Variants in PLCL1 observed in about 807,000 individuals in gnomAD.
The protein encoded by PLCL1 is inactive phospholipase C-like protein 1.
Under a neutral mutation model 84.4 loss-of-function variants are expected in PLCL1, and 41 were observed. The ratio of observed to expected loss-of-function variants is 0.49; its 90% CI spans 0.38 to 0.63. PLCL1 has a LOEUF of 0.63. PLCL1 is among the 30% of genes least tolerant of loss of function. The pLI is 0.00. For synonymous variants in PLCL1, 490 were observed against 488.3 expected, an observed-to-expected ratio of 1.00 and a Z score of -0.05; for missense variants, 1,206 against 1,367.8, an observed-to-expected ratio of 0.88 and a Z score of 1.87.
chr2:197,961,238 G>GGAGAGAGAGAGAGAGA (rs60411488), intron 1 of PLCL1, among the ~76,000 whole-genome samples: 2,722 of 145,928 alleles, frequency 0.019, 44 homozygotes, highest in East Asian at 0.086. Flanking sequence ...TTGGGAAGGT[G>GGAGAGAGAGAGAGAGA]GAGAGAGAGA....
chr2:197,816,199 C>CACCA (rs1332447142), intron 1 of PLCL1, among the ~76,000 whole-genome samples: 4 of 152,088 alleles, frequency 2.6e-5, no homozygotes, highest in African/African-American at 9.7e-5. Flanking sequence ...CCTGATCAGT[C>CACCA]ACCAGTGTTC....
intron 1 of PLCL1, among the ~76,000 whole-genome samples, chr2:197,900,949 T>G (rs1043099538): frequency 6.6e-6 from 1 of 152,184 alleles, no homozygotes; most frequent in South Asian, 2.1e-4. Context: ...AAGCCTTTGT[T>G]GCCAGTCTCT....
intron 5 of PLCL1, among the ~76,000 whole-genome samples, chr2:198,113,882 C>T (rs186480839): frequency 1.1e-3 from 161 of 151,792 alleles, no homozygotes; most frequent in Non-Finnish European, 1.9e-3. Flanking sequence ...ATATAATCTG[C>T]AGCGAAGTTT....
chr2:198,133,219 C>T (rs945589455), intron 5 of PLCL1, among the ~76,000 whole-genome samples: 1 of 151,882 alleles, frequency 6.6e-6, no homozygotes, highest in African/African-American at 2.4e-5. Flanking sequence ...AGTTCATATC[C>T]TTTGTAGGGA....
chr2:197,883,122 C>T (rs1574929884), intron 1 of PLCL1, among the ~76,000 whole-genome samples: 2 of 152,098 alleles, frequency 1.3e-5, no homozygotes, highest in Middle Eastern at 3.2e-3. Context: ...TGGGTGGTGG[C>T]TACACAGTTG....
chr2:198,060,984 G>A (rs971482869), intron 1 of PLCL1, among the ~76,000 whole-genome samples: 1 of 152,082 alleles, frequency 6.6e-6, no homozygotes, highest in African/African-American at 2.4e-5. Context: ...GCAACTCTAT[G>A]GAACTTTCTA....
At chr2:198,018,260 C>A (rs772452121) in intron 1 of PLCL1, among the ~76,000 whole-genome samples, 1 of 152,172 alleles carries the variant, frequency 6.6e-6, no homozygotes, top group African/African-American at 2.4e-5. Flanking sequence ...CCCTCAGGTG[C>A]CTACACCACA....
At chr2:197,930,751 C>T (rs1390751982) in intron 1 of PLCL1, among the ~76,000 whole-genome samples, 2 of 152,120 alleles carry the variant, frequency 1.3e-5, no homozygotes, top group African/African-American at 4.8e-5. Flanking sequence ...CCATCTTGCT[C>T]CTACCAGGAC....
At chr2:198,022,697 C>T (rs150241907) in intron 1 of PLCL1, among the ~76,000 whole-genome samples, 1,955 of 151,906 alleles carry the variant, frequency 0.013, 36 homozygotes, top group African/African-American at 0.044. Flanking sequence ...ACAAGGGATG[C>T]GAAGGACCTC....
intron 3 of PLCL1, among the ~76,000 whole-genome samples, chr2:198,094,098 G>A (rs1240583439): frequency 6.6e-6 from 1 of 151,930 alleles, no homozygotes; most frequent in Non-Finnish European, 1.5e-5. Context: ...GTCTCACTCT[G>A]TCGCCCAGAC....
At chr2:197,932,525 C>G (rs72926537) in intron 1 of PLCL1, among the ~76,000 whole-genome samples, 8 of 152,090 alleles carry the variant, frequency 5.3e-5, no homozygotes, top group African/African-American at 1.7e-4. Context: ...CCCCCTACCC[C>G]CCAAACCCAG....
At chr2:197,999,095 A>G (rs76609333) in intron 1 of PLCL1, among the ~76,000 whole-genome samples, 1,847 of 152,304 alleles carry the variant, frequency 0.012, 47 homozygotes, top group African/African-American at 0.041. Flanking sequence ...AGGAACCAGT[A>G]TCCTGATCTT....
chr2:198,056,399 C>T (rs1033655513), intron 1 of PLCL1, among the ~76,000 whole-genome samples: 1 of 152,126 alleles, frequency 6.6e-6, no homozygotes, highest in Non-Finnish European at 1.5e-5. Context: ...TTTTCTGGTA[C>T]TATGTAGTTT....
intron 1 of PLCL1, among the ~76,000 whole-genome samples, chr2:197,926,165 A>G (rs900023430): frequency 6.6e-6 from 1 of 152,140 alleles, no homozygotes; most frequent in Non-Finnish European, 1.5e-5. Context: ...TTCTACCTCC[A>G]AAGAGTATAT....
At chr2:197,913,106 C>T (rs1223925400) in intron 1 of PLCL1, among the ~76,000 whole-genome samples, 1 of 152,110 alleles carries the variant, frequency 6.6e-6, no homozygotes, top group African/African-American at 2.4e-5. Context: ...TACATTTTGG[C>T]TTAATGAATA....
At chr2:198,036,806 C>G (rs1038980129) in intron 1 of PLCL1, among the ~76,000 whole-genome samples, 1 of 149,750 alleles carries the variant, frequency 6.7e-6, no homozygotes, top group African/African-American at 2.4e-5. Context: ...AAATACTTAA[C>G]AGCAAGCAAA....
intron 1 of PLCL1, among the ~76,000 whole-genome samples, chr2:198,018,210 G>A (rs980172745): frequency 2.6e-5 from 4 of 152,174 alleles, no homozygotes; most frequent in East Asian, 1.9e-4. Context: ...CAGATACTAC[G>A]CTTTTCCCAC....
intron 1 of PLCL1, among the ~76,000 whole-genome samples, chr2:197,912,720 C>T (rs1688507135): frequency 7.3e-6 from 1 of 137,234 alleles, no homozygotes; most frequent in Non-Finnish European, 1.5e-5. Flanking sequence ...CGCATATTCT[C>T]ACTCATAGGT....
chr2:198,143,167 G>A (rs1172910911), intron 5 of PLCL1, among the ~76,000 whole-genome samples: 1 of 152,084 alleles, frequency 6.6e-6, no homozygotes, highest in Admixed American at 6.5e-5. Context: ...GAATACCATG[G>A]TGGGTGTCGG....
Sources: gnomAD v4.1 joint callset for allele counts (sites outside exome capture counted in the v4.1 genomes callset) on GRCh38, gnomAD v4.1.1 for gene constraint, MANE v1.5 for transcripts, NCBI Gene and HGNC (gene_info 2026-07-23, HGNC 2026-07-21) for gene names.